Variants in MTO1 observed in about 807,000 individuals in gnomAD.
MTO1 encodes mitochondrial tRNA translation optimization 1, also known as 5-taurinomethyluridine-[tRNA] synthase subunit MTO1, mitochondrial.
MTO1 carries 46 observed loss-of-function variants against 71.6 expected under a neutral mutation model. The ratio of observed to expected loss-of-function variants is 0.64; its 90% CI spans 0.51 to 0.82. The LOEUF is 0.82. Ranked by LOEUF, MTO1 falls within the 40% of genes least tolerant of loss-of-function variation. The pLI is 0.00. For missense variants in MTO1, 773 were observed against 867.5 expected, an observed-to-expected ratio of 0.89 and a Z score of 1.37; for synonymous variants, 297 against 312.1, an observed-to-expected ratio of 0.95 and a Z score of 0.51.
At position 73,461,878 on chromosome 6, in the gene MTO1, C is replaced by A; in HGVS notation, c.24C>A (p.Gly8=). The part of the protein sequence containing the change: MFYFRGC[G]RWVAVSFTKQ... Reference sequence around the variant, plus strand: ...GCATGTTCTACTTCCGAGGCTGTGGCCGTTGGGTCGCGGTTTCCTTCACCA... The same window carrying A: ...GCATGTTCTACTTCCGAGGCTGTGGACGTTGGGTCGCGGTTTCCTTCACCA... The change falls in exon 1 of 12, where the codon GGC becomes GGA. Residue 8 remains glycine, a synonymous_variant. Transcript: ENST00000498286. The A allele has an allele frequency of 6.2e-7, 1 of 1,613,902 alleles. No individual in the cohort carries two copies. Among genetic ancestry groups the A allele is most frequent in the Non-Finnish European group, 8.5e-7 (1 of 1,179,728 alleles).
In MTO1 at chr6:73,463,319, C is replaced by T. The variant is rs1052733687; in HGVS notation, c.217+1248C>T. On this transcript the variant is annotated intron_variant, in intron 1 of 11. Transcript: ENST00000498286. The stretch of plus-strand genomic sequence containing the variant: ...ATGCTGGGATTACAGGCATGAGCCA[C>T]CGTGCCCAGCGCCATGCTACCTTTT... Among the ~76,000 whole-genome samples, 21 of 152,226 alleles carry T rather than the reference C, an allele frequency of 1.4e-4. 1 individual carries two copies. Among genetic ancestry groups the T allele is most frequent in the African/African-American group, 5.1e-4 (21 of 41,542 alleles).
At chr6:73,494,917 C>T (rs1771942506) in intron 10 of MTO1, among the ~76,000 whole-genome samples, 1 of 150,142 alleles carries the variant, frequency 6.7e-6, no homozygotes, top group Non-Finnish European at 1.5e-5. Context: ...GTAGCTGGGA[C>T]TATAGGCGCG....
intron 1 of MTO1, among the ~76,000 whole-genome samples, chr6:73,464,455 A>C (rs1308636099): frequency 6.6e-6 from 1 of 152,068 alleles, no homozygotes; most frequent in Non-Finnish European, 1.5e-5. Context: ...TCACAGTGCT[A>C]TCCAGTCTCC....
At chr6:73,490,168 C>A (rs1771766575) in intron 9 of MTO1, among the ~76,000 whole-genome samples, 1 of 152,070 alleles carries the variant, frequency 6.6e-6, no homozygotes, top group Non-Finnish European at 1.5e-5. Flanking sequence ...TGTTTAAGTT[C>A]TTTATAGATT....
intron 4 of MTO1, among the ~76,000 whole-genome samples, chr6:73,479,232 C>T (rs777157258): frequency 2.0e-5 from 3 of 151,936 alleles, no homozygotes; most frequent in Non-Finnish European, 2.9e-5. Flanking sequence ...CGGTGGCTCA[C>T]ACCTGTAATC....
chr6:73,471,717 C>G (rs111550359), intron 3 of MTO1: 1 of 160,176 alleles, frequency 6.2e-6, no homozygotes, highest in Non-Finnish European at 1.4e-5. Flanking sequence ...TGAGCCTGGC[C>G]GATTTAATTT....
intron 9 of MTO1, among the ~76,000 whole-genome samples, chr6:73,488,341 A>G (rs1338100949): frequency 4.6e-5 from 7 of 151,852 alleles, no homozygotes; most frequent in South Asian, 4.1e-4. Context: ...ATCCAGCTAG[A>G]TTTTTATTTC....
chr6:73,492,890 CT>C (rs538475811), intron 10 of MTO1: 15 of 150,798 alleles, frequency 9.9e-5, no homozygotes, highest in African/African-American at 3.4e-4. Flanking sequence ...TTTAAACATG[CT>C]TTTCAGGTGA....
In MTO1 at chr6:73,461,854, C is replaced by A; in HGVS notation, c.-1C>A. ...AAAGTCAGATAGATTTTTCTCCCAG[C>A]ATGTTCTACTTCCGAGGCTGTGGCC... On this transcript the variant is annotated 5_prime_UTR_variant, in exon 1 of 12. Transcript: ENST00000498286. The A allele has an allele frequency of 1.2e-6, 2 of 1,610,396 alleles. No individual in the cohort carries two copies. The highest frequency in any genetic ancestry group is 1.7e-6 in the Non-Finnish European group (2 of 1,176,740).
rs374384468 is a variant in MTO1 at position 73,466,243 on chromosome 6, C to T, written c.252C>T (p.Ile84=). 66 of 1,613,740 alleles carry T rather than the reference C, an allele frequency of 4.1e-5. No individual in the cohort carries two copies. The highest frequency in any genetic ancestry group is 4.4e-5 in the South Asian group (4 of 91,076). The change falls in exon 2 of 12, where the codon ATC becomes ATT. Residue 84 remains isoleucine, a synonymous_variant. Transcript: ENST00000498286. ...CATGTAATCCTTCCTTTGGTGGCAT[C>T]GGAAAGGGACATTTAATGAGGGAAG... is the stretch of plus-strand genomic sequence containing the variant. ...QMSCNPSFGG[I]GKGHLMREVD... is the part of the protein sequence containing the mutation.
intron 6 of MTO1, 180 bp downstream of exon 6, chr6:73,480,306 C>A: frequency 1.3e-6 from 1 of 780,502 alleles, no homozygotes; most frequent in Non-Finnish European, 2.2e-6. Flanking sequence ...GAGTTTTGCT[C>A]TTGTTGCCCA....
Position 73,497,843 on chromosome 6 carries a change from G to A in MTO1, c.1864G>A (p.Val622Met). The A allele has an allele frequency of 6.2e-7, 1 of 1,613,936 alleles. No individual in the cohort carries two copies. The highest frequency in any genetic ancestry group is 8.5e-7 in the Non-Finnish European group (1 of 1,179,884). ...KDLDYLTIRD[V>M]SLSHEVREKL... Reference sequence around the variant, plus strand: ...CCTAGATTATTTGACTATCAGGGATGTGTCTTTGTCCCATGAAGTTCGAGA... The same window carrying A: ...CCTAGATTATTTGACTATCAGGGATATGTCTTTGTCCCATGAAGTTCGAGA... Residue 622 changes from valine (V) to methionine (M), a missense_variant, in exon 11 of 12, where the codon GTG (valine) becomes ATG (methionine). Val to Met is a conservative substitution (Grantham distance 21, BLOSUM62 1). Transcript: ENST00000498286.
rs1379154100 is a variant in MTO1, at chr6:73,509,085, T to C, written c.*8350T>C. On this transcript the variant is annotated 3_prime_UTR_variant, in exon 12 of 12. Coordinates refer to ENST00000498286, the MANE Select transcript of MTO1 (RefSeq NM_012123.4). ...TGGTTTATCCCAACACCAACTAGGA[T>C]ATTCCCTCAATCACATGATTGTACT... The C allele has an allele frequency of 6.6e-6, 1 of 152,236 alleles. No individual in the cohort carries two copies. The highest frequency in any genetic ancestry group is 6.5e-5 in the Admixed American group (1 of 15,284). 9.4% of individuals were successfully genotyped at this position (152,236 alleles called of 1,614,324 possible).
intron 10 of MTO1, among the ~76,000 whole-genome samples, chr6:73,495,347 G>T (rs770263213): frequency 3.3e-5 from 5 of 152,014 alleles, no homozygotes; most frequent in African/African-American, 4.8e-5. Context: ...AACACTTAGG[G>T]CTGTTAGCTC....
intron 3 of MTO1, among the ~76,000 whole-genome samples, chr6:73,472,065 G>GT (rs1771174166): frequency 6.6e-6 from 1 of 152,176 alleles, no homozygotes; most frequent in Admixed American, 6.6e-5. Flanking sequence ...TCTGTTCCAA[G>GT]TTTCATTTCT....
At position 73,466,237 on chromosome 6, in the gene MTO1, T is replaced by G; in HGVS notation, c.246T>G (p.Gly82=). The G allele has an allele frequency of 6.2e-7, 1 of 1,613,938 alleles. No homozygotes were observed. The highest frequency in any genetic ancestry group is 8.5e-7 in the Non-Finnish European group (1 of 1,179,802). The change falls in exon 2 of 12, where the codon GGT becomes GGG. Residue 82 remains glycine (G), a synonymous_variant. Coordinates refer to ENST00000498286, the MANE Select transcript of MTO1 (RefSeq NM_012123.4). ...IGQMSCNPSF[G]GIGKGHLMRE... is the part of the protein sequence containing the mutation. ...AGATGTCATGTAATCCTTCCTTTGGTGGCATCGGAAAGGGACATTTAATGA... is the reference window on the plus strand; with the variant it reads ...AGATGTCATGTAATCCTTCCTTTGGGGGCATCGGAAAGGGACATTTAATGA...
intron 9 of MTO1, among the ~76,000 whole-genome samples, chr6:73,486,406 ACC>A (rs1259684070): frequency 6.6e-6 from 1 of 151,940 alleles, no homozygotes; most frequent in Non-Finnish European, 1.5e-5. Flanking sequence ...GCCCCTGGTA[ACC>A]CCATTCTACT....
At chr6:73,482,303 A>C (rs1430001185) in intron 8 of MTO1, 59 bp downstream of exon 8, 2 of 1,589,962 alleles carry the variant, frequency 1.3e-6, no homozygotes, top group Non-Finnish European at 8.6e-7. Context: ...CCTATAATCC[A>C]AGCAATTTGA....
intron 3 of MTO1, among the ~76,000 whole-genome samples, chr6:73,466,935 A>G (rs891222435): frequency 1.3e-5 from 2 of 151,596 alleles, no homozygotes; most frequent in African/African-American, 4.8e-5. Context: ...AAAAATTCAT[A>G]TTTTAACAGC....
Sources: gnomAD v4.1 joint callset for allele counts (sites outside exome capture counted in the v4.1 genomes callset) on GRCh38, gnomAD v4.1.1 for gene constraint, MANE v1.5 for transcripts, NCBI Gene and HGNC (gene_info 2026-07-23, HGNC 2026-07-21) for gene names.